MEGF11: variants seen among roughly 807,000 people sequenced by gnomAD.
The protein encoded by MEGF11 is multiple epidermal growth factor-like domains protein 11.
MEGF11 carries 126 observed loss-of-function variants against 146.6 expected under a neutral mutation model. The ratio of observed to expected loss-of-function variants is 0.86; its 90% CI spans 0.74 to 1.00. The LOEUF (loss-of-function observed/expected upper bound fraction) is 1.00, where lower values mean the gene tolerates loss of function less well. Among genes scored for constraint, MEGF11 ranks in the 50% least tolerant of loss-of-function variants. MEGF11 has a pLI of 0.00. For missense variants in MEGF11, 1,509 were observed against 1,521.2 expected, an observed-to-expected ratio of 0.99 and a Z score of 0.13; for synonymous variants, 532 against 583.4, an observed-to-expected ratio of 0.91 and a Z score of 1.27.
intron 5 of MEGF11, among the ~76,000 whole-genome samples, chr15:66,037,989 C>T (rs2083791236): frequency 6.6e-6 from 1 of 152,184 alleles, no homozygotes; most frequent in South Asian, 2.1e-4. Flanking sequence ...TTGAAACACT[C>T]AAAAAATTCT....
chr15:66,137,594 C>A (rs61480315), intron 1 of MEGF11, among the ~76,000 whole-genome samples: 1 of 147,252 alleles, frequency 6.8e-6, no homozygotes, highest in Non-Finnish European at 1.5e-5. Context: ...TCTCTGTCAT[C>A]CAGGCTGGAG....
intron 8 of MEGF11, among the ~76,000 whole-genome samples, chr15:65,968,180 A>AGAAGTAGAATG (rs2141592454): frequency 6.6e-6 from 1 of 152,220 alleles, no homozygotes; most frequent in Non-Finnish European, 1.5e-5. Flanking sequence ...CAGAAGGAGG[A>AGAAGTAGAATG]GAAGTAGAAT....
intron 10 of MEGF11, among the ~76,000 whole-genome samples, chr15:65,942,808 C>T (rs1195625217): frequency 6.6e-6 from 1 of 152,056 alleles, no homozygotes; most frequent in Non-Finnish European, 1.5e-5. Context: ...GACCTGCTCC[C>T]TCTGAGAACA....
At chr15:66,149,846 G>T (rs1204779534) in intron 1 of MEGF11, among the ~76,000 whole-genome samples, 2 of 152,234 alleles carry the variant, frequency 1.3e-5, no homozygotes, top group Non-Finnish European at 2.9e-5. Flanking sequence ...AGACACTCCT[G>T]ATGATGGCCA....
At chr15:65,920,551 A>G (rs75003947) in intron 15 of MEGF11, among the ~76,000 whole-genome samples, 9,141 of 152,262 alleles carry the variant, frequency 0.06, 315 homozygotes, top group Middle Eastern at 0.095. Context: ...GAGGCCAACA[A>G]ATTTACCCAC....
chr15:66,099,342 C>T (rs1303895063), intron 4 of MEGF11, among the ~76,000 whole-genome samples: 1 of 152,016 alleles, frequency 6.6e-6, no homozygotes, highest in East Asian at 1.9e-4. Context: ...GCCACCAAGC[C>T]CGGCTAATCT....
At position 66,095,996 on chromosome 15, in the gene MEGF11, G is replaced by A. The variant is rs532811006; in HGVS notation, c.302-1502C>T. On this transcript the variant is annotated intron_variant, in intron 4 of 25. Coordinates refer to ENST00000395614, the MANE Select transcript of MEGF11 (RefSeq NM_001385028.1). ...AGCAAGACTGTCAGTCCTGCTGCCC[G>A]GGCTCCCCCTGTTCTCACTGGACTT... Among the ~76,000 whole-genome samples the A allele has an allele frequency of 5.1e-4, 78 of 152,266 alleles. 1 individual carries two copies. Among genetic ancestry groups the A allele is most frequent in the Non-Finnish European group, 7.4e-4 (50 of 68,020 alleles).
chr15:66,096,971 C>T (rs941016300), intron 4 of MEGF11, among the ~76,000 whole-genome samples: 7 of 152,190 alleles, frequency 4.6e-5, no homozygotes, highest in African/African-American at 1.7e-4. Context: ...CTGTATCCAG[C>T]CCCTAGACCC....
intron 4 of MEGF11, among the ~76,000 whole-genome samples, chr15:66,102,157 C>A (rs563341096): frequency 9.4e-5 from 5 of 53,108 alleles, no homozygotes; most frequent in Admixed American, 2.1e-4. Flanking sequence ...GGCCCCAGAT[C>A]TGCTCGTGGC....
chr15:66,036,672 G>C (rs971143281), intron 5 of MEGF11, among the ~76,000 whole-genome samples: 2 of 152,142 alleles, frequency 1.3e-5, no homozygotes, highest in Non-Finnish European at 2.9e-5. Context: ...GCAAGCCCTG[G>C]AAAGTAGAGG....
chr15:66,200,342 T>C (rs1782728362), intron 1 of MEGF11, among the ~76,000 whole-genome samples: 1 of 152,254 alleles, frequency 6.6e-6, no homozygotes, highest in African/African-American at 2.4e-5. Flanking sequence ...ACAGTGGTTT[T>C]CTTATGAGAG....
chr15:66,082,289 G>C (rs188524556), intron 5 of MEGF11, among the ~76,000 whole-genome samples: 71 of 151,110 alleles, frequency 4.7e-4, no homozygotes, highest in Admixed American at 4.3e-3. Context: ...CTGCTGGGCA[G>C]ATGAAATGGG....
chr15:66,096,727 G>A (rs1341223335), intron 4 of MEGF11, among the ~76,000 whole-genome samples: 1 of 152,138 alleles, frequency 6.6e-6, no homozygotes, highest in South Asian at 2.1e-4. Flanking sequence ...GGTAATTTGA[G>A]AAGGAAGACC....
At chr15:66,185,373 A>G (rs954161261) in intron 1 of MEGF11, among the ~76,000 whole-genome samples, 3 of 152,244 alleles carry the variant, frequency 2.0e-5, no homozygotes, top group Admixed American at 2.0e-4. Context: ...TGCATAAAGT[A>G]AATAGCACAT....
rs1359095363 is a variant in MEGF11, at chr15:65,898,184, AAGG to A, written c.3263-93_3263-91del. 7 of 1,487,554 alleles carry A rather than the reference AAGG, an allele frequency of 4.7e-6. No individual in the cohort carries two copies. The East Asian group carries it at 1.5e-4, about 31-fold the overall frequency. The allele number at this position is 1,487,554 out of a possible 1,614,324, so 92.1% of individuals were successfully genotyped here. On this transcript the variant is annotated intron_variant, in intron 25 of 25. Coordinates refer to ENST00000395614, the MANE Select transcript of MEGF11 (RefSeq NM_001385028.1). ...AAGAGAGTTCTACTTAACTTGGGGA[AAGG>A]AGCCAGGGATTTATAAATCTATGGC...
intron 1 of MEGF11, among the ~76,000 whole-genome samples, chr15:66,134,915 C>G (rs1465136260): frequency 2.0e-5 from 3 of 152,210 alleles, no homozygotes; most frequent in African/African-American, 7.2e-5. Flanking sequence ...GTGACTTGCT[C>G]AAAGACACAC....
At chr15:66,175,331 C>A (rs1174618435) in intron 1 of MEGF11, among the ~76,000 whole-genome samples, 1 of 152,042 alleles carries the variant, frequency 6.6e-6, no homozygotes, top group East Asian at 1.9e-4. Context: ...CCCGAAAATG[C>A]GTATGGAGCC....
chr15:66,000,260 G>A (rs1416110192), intron 5 of MEGF11, among the ~76,000 whole-genome samples: 1 of 152,222 alleles, frequency 6.6e-6, no homozygotes, highest in African/African-American at 2.4e-5. Flanking sequence ...AGCATCTGCA[G>A]CTGGACATGG....
intron 5 of MEGF11, among the ~76,000 whole-genome samples, chr15:65,985,202 C>T (rs758404482): frequency 2.4e-4 from 36 of 152,316 alleles, no homozygotes; most frequent in Non-Finnish European, 2.9e-4. Flanking sequence ...GGAGAATACA[C>T]GGTCAGAGAA....
Sources: allele counts gnomAD v4.1 joint callset (sites outside exome capture counted in the v4.1 genomes callset), GRCh38; gene constraint gnomAD v4.1.1; transcripts MANE v1.5; gene names NCBI Gene and HGNC (gene_info 2026-07-23, HGNC 2026-07-21).